The following DIAPH3 variants were observed in gnomAD, a reference collection of about 807,000 sequenced individuals.
DIAPH3 encodes the protein protein diaphanous homolog 3.
A neutral mutation model predicts 144.3 loss-of-function variants in DIAPH3; 117 were observed. The observed-to-expected ratio is 0.81, with a 90% CI of 0.70 to 0.95. The LOEUF is 0.95. DIAPH3 is among the 40% of genes least tolerant of loss of function. DIAPH3 has a pLI of 0.00. For missense variants in DIAPH3, 1,421 were observed against 1,412.7 expected, an observed-to-expected ratio of 1.01 and a Z score of -0.09; for synonymous variants, 519 against 488.9, an observed-to-expected ratio of 1.06 and a Z score of -0.81.
At chr13:59,760,872 A>G (rs941841218) in intron 27 of DIAPH3, among the ~76,000 whole-genome samples, 2 of 152,206 alleles carry the variant, frequency 1.3e-5, no homozygotes, top group African/African-American at 4.8e-5. Context: ...TGACTAATTA[A>G]CCCAAAGAGG....
chr13:59,760,749 G>A (rs2037534928), intron 27 of DIAPH3, among the ~76,000 whole-genome samples: 1 of 152,104 alleles, frequency 6.6e-6, no homozygotes, highest in Non-Finnish European at 1.5e-5. Flanking sequence ...CTAGGTGAGG[G>A]TACATACAGT....
intron 9 of DIAPH3, among the ~76,000 whole-genome samples, chr13:60,002,662 G>T (rs1435324689): frequency 1.3e-5 from 2 of 152,164 alleles, no homozygotes; most frequent in Non-Finnish European, 2.9e-5. Context: ...ATGGGTACTG[G>T]ATCAGGGAGA....
intron 20 of DIAPH3, among the ~76,000 whole-genome samples, chr13:59,885,687 C>A (rs1441118660): frequency 6.6e-6 from 1 of 151,986 alleles, no homozygotes; most frequent in Non-Finnish European, 1.5e-5. Context: ...TGAATGTGAT[C>A]ATATTTGGAA....
intron 27 of DIAPH3, among the ~76,000 whole-genome samples, chr13:59,667,672 C>T (rs1287368168): frequency 1.8e-4 from 27 of 152,276 alleles, no homozygotes; most frequent in Non-Finnish European, 1.5e-5. Context: ...TATATACATA[C>T]ACACATACAT....
intron 27 of DIAPH3, among the ~76,000 whole-genome samples, chr13:59,671,897 T>G (rs2032391503): frequency 6.6e-6 from 1 of 152,128 alleles, no homozygotes; most frequent in South Asian, 2.1e-4. Flanking sequence ...GGCCTTAAAC[T>G]ACATCTAGTG....
At chr13:59,969,588 C>T (rs969022079) in intron 17 of DIAPH3, among the ~76,000 whole-genome samples, 2 of 152,142 alleles carry the variant, frequency 1.3e-5, no homozygotes, top group South Asian at 4.2e-4. Flanking sequence ...ATTCTAACTA[C>T]AAGAAAGCAC....
At chr13:60,143,333 C>T (rs1951360928) in intron 1 of DIAPH3, among the ~76,000 whole-genome samples, 1 of 152,180 alleles carries the variant, frequency 6.6e-6, no homozygotes, top group Non-Finnish European at 1.5e-5. Flanking sequence ...ATAAGACTCA[C>T]CTGGATCAGA....
intron 24 of DIAPH3, among the ~76,000 whole-genome samples, chr13:59,820,592 C>T (rs909410809): frequency 1.3e-5 from 2 of 151,562 alleles, no homozygotes; most frequent in Admixed American, 1.3e-4. Context: ...ATATTTTTCC[C>T]TAAAAGTGCA....
At chr13:59,964,528 A>C (rs2049946947) in intron 17 of DIAPH3, among the ~76,000 whole-genome samples, 1 of 152,056 alleles carries the variant, frequency 6.6e-6, no homozygotes, top group South Asian at 2.1e-4. Context: ...ACTATACCAA[A>C]GATATGCTGT....
chr13:59,935,306 A>G (rs1195553549), intron 17 of DIAPH3, among the ~76,000 whole-genome samples: 1 of 152,192 alleles, frequency 6.6e-6, no homozygotes, highest in East Asian at 1.9e-4. Context: ...GTTCCAAAGG[A>G]AAAGTCAAGA....
At chr13:60,101,525 T>C (rs901555249) in intron 3 of DIAPH3, among the ~76,000 whole-genome samples, 27 of 151,960 alleles carry the variant, frequency 1.8e-4, no homozygotes, top group African/African-American at 5.8e-4. Flanking sequence ...CGATTTCTTT[T>C]TTTTTTTTTT....
chr13:59,880,714 C>T (rs1020647341), intron 20 of DIAPH3, among the ~76,000 whole-genome samples: 16 of 152,028 alleles, frequency 1.1e-4, no homozygotes, highest in African/African-American at 3.9e-4. Flanking sequence ...GTTCTTTGTA[C>T]ACAACTCTGA....
intron 1 of DIAPH3, among the ~76,000 whole-genome samples, chr13:60,139,667 A>C (rs371132880): frequency 6.6e-6 from 1 of 152,150 alleles, no homozygotes; most frequent in Non-Finnish European, 1.5e-5. Flanking sequence ...AACAATTATC[A>C]TATTGTGGCT....
At chr13:60,003,557 A>C (rs2140906469) in intron 9 of DIAPH3, among the ~76,000 whole-genome samples, 1 of 150,424 alleles carries the variant, frequency 6.6e-6, no homozygotes, top group East Asian at 2.0e-4. Flanking sequence ...ATATATAGAT[A>C]GATAGATAGA....
intron 18 of DIAPH3, among the ~76,000 whole-genome samples, chr13:59,917,231 G>C (rs772898361): frequency 6.6e-6 from 1 of 152,092 alleles, no homozygotes; most frequent in Non-Finnish European, 1.5e-5. Flanking sequence ...TCCACAGTAG[G>C]TTGAATCTAA....
rs149672160 is a variant in DIAPH3 at position 59,819,432 on chromosome 13, G to A, written c.3028-8509C>T. On this transcript the variant is annotated intron_variant, in intron 24 of 27. Transcript: ENST00000400324. Reference sequence around the variant, plus strand: ...AAAATAGTTTGTTGTATTTTGGTGGGATGGATTTTTAAGAGTCCCTAGTAA... The same window carrying A: ...AAAATAGTTTGTTGTATTTTGGTGGAATGGATTTTTAAGAGTCCCTAGTAA... 5.0e-3 allele frequency among the ~76,000 whole-genome samples: 755 copies of A among 151,904 alleles called. 6 individuals are homozygous for A. Among genetic ancestry groups the A allele is most frequent in the African/African-American group, 0.017 (716 of 41,496 alleles).
intron 27 of DIAPH3, among the ~76,000 whole-genome samples, chr13:59,677,125 C>T (rs1283621038): frequency 6.6e-6 from 1 of 151,882 alleles, no homozygotes; most frequent in African/African-American, 2.4e-5. Context: ...ATAACAAGTT[C>T]TTGATAATTT....
At chr13:60,020,165 G>A (rs1274775722) in intron 5 of DIAPH3, among the ~76,000 whole-genome samples, 1 of 152,048 alleles carries the variant, frequency 6.6e-6, no homozygotes, top group Non-Finnish European at 1.5e-5. Context: ...ATGAAACTAA[G>A]TCCCCTTCTA....
At chr13:59,983,293 A>C (rs565390158) in intron 13 of DIAPH3, among the ~76,000 whole-genome samples, 30 of 151,178 alleles carry the variant, frequency 2.0e-4, no homozygotes, top group African/African-American at 7.0e-4. Context: ...AACTCTTTTA[A>C]TAGATCTTTG....
Sources: gnomAD v4.1 joint callset for allele counts (sites outside exome capture counted in the v4.1 genomes callset) on GRCh38, gnomAD v4.1.1 for gene constraint, MANE v1.5 for transcripts, NCBI Gene and HGNC (gene_info 2026-07-23, HGNC 2026-07-21) for gene names.